CCSER1: variants seen among roughly 807,000 people sequenced by gnomAD.
CCSER1 encodes serine-rich coiled-coil domain-containing protein 1.
In CCSER1, 41 loss-of-function variants were observed where a neutral mutation model predicts 82.0. That is an observed-to-expected ratio of 0.50 (90% CI 0.39 to 0.65). The LOEUF is 0.65. Among genes scored for constraint, CCSER1 ranks in the 30% least tolerant of loss-of-function variants. The pLI is 0.00. For synonymous variants in CCSER1, 414 were observed against 383.9 expected (o/e 1.08, Z -0.92); for missense variants, 1,119 against 1,064.2 (o/e 1.05, Z -0.72).
At chr4:91,330,679 A>C (rs138702296) in intron 10 of CCSER1, among the ~76,000 whole-genome samples, 1 of 152,126 alleles carries the variant, frequency 6.6e-6, no homozygotes, top group Non-Finnish European at 1.5e-5. Flanking sequence ...AATCAAGGAG[A>C]CCAATTGCCC....
chr4:90,188,202 A>G (rs981329163), intron 1 of CCSER1, among the ~76,000 whole-genome samples: 1 of 151,880 alleles, frequency 6.6e-6, no homozygotes, highest in African/African-American at 2.4e-5. Context: ...GTTATGAGGT[A>G]TGGGCACTAA....
At chr4:91,071,966 C>A (rs1721484953) in intron 9 of CCSER1, among the ~76,000 whole-genome samples, 1 of 152,062 alleles carries the variant, frequency 6.6e-6, no homozygotes, top group Non-Finnish European at 1.5e-5. Context: ...AAATAATACC[C>A]CATAAAGTTT....
At chr4:90,949,009 A>C (rs1732595470) in intron 9 of CCSER1, among the ~76,000 whole-genome samples, 1 of 152,090 alleles carries the variant, frequency 6.6e-6, no homozygotes, top group South Asian at 2.1e-4. Context: ...GAATGTGATA[A>C]TTTTATGAGC....
At chr4:91,397,007 G>C (rs1400904751) in intron 10 of CCSER1, among the ~76,000 whole-genome samples, 2 of 152,000 alleles carry the variant, frequency 1.3e-5, no homozygotes, top group Non-Finnish European at 2.9e-5. Context: ...CTTCTGCCTA[G>C]CCAAGCAACC....
chr4:91,406,772 T>C (rs1752730525), intron 10 of CCSER1, among the ~76,000 whole-genome samples: 1 of 152,230 alleles, frequency 6.6e-6, no homozygotes, highest in Non-Finnish European at 1.5e-5. Context: ...ATTATATTGT[T>C]ATCCATGTTT....
intron 4 of CCSER1, among the ~76,000 whole-genome samples, chr4:90,413,735 C>T (rs1458715964): frequency 1.3e-5 from 2 of 150,860 alleles, no homozygotes; most frequent in Non-Finnish European, 3.0e-5. Context: ...GCGGGCAGAT[C>T]ACGAGGTCAG....
rs1362292311 is a variant in CCSER1, at chr4:91,023,282, T to C, written c.2173-62668T>C. Among the ~76,000 whole-genome samples the C allele has an allele frequency of 8.5e-5, 13 of 152,172 alleles. No individual in the cohort carries two copies. In the East Asian group the frequency reaches 1.7e-3, roughly 20 times the overall value. ...ATCCCCATCAAGCTACCAATGACTT[T>C]CTTCACAGAATTGGAAAAAACTACT... On this transcript the variant is annotated intron_variant, in intron 9 of 10. Coordinates refer to ENST00000509176, the MANE Select transcript of CCSER1 (RefSeq NM_001145065.2).
intron 5 of CCSER1, among the ~76,000 whole-genome samples, chr4:90,468,773 T>G (rs1230784126): frequency 6.6e-6 from 1 of 152,154 alleles, no homozygotes; most frequent in Non-Finnish European, 1.5e-5. Flanking sequence ...TAAAATATTT[T>G]TACTAAATTA....
chr4:90,939,875 A>AT (rs1731389859), intron 9 of CCSER1, among the ~76,000 whole-genome samples: 2 of 151,986 alleles, frequency 1.3e-5, no homozygotes, highest in Admixed American at 6.6e-5. Flanking sequence ...ATACAAAAAC[A>AT]TTTTTTGTTT....
At chr4:90,639,191 A>G (rs1256279808) in intron 6 of CCSER1, among the ~76,000 whole-genome samples, 1 of 151,222 alleles carries the variant, frequency 6.6e-6, no homozygotes, top group Non-Finnish European at 1.5e-5. Context: ...TATATTCTTT[A>G]TATATATATA....
chr4:90,355,249 A>G (rs1744182299), intron 3 of CCSER1, among the ~76,000 whole-genome samples: 1 of 151,992 alleles, frequency 6.6e-6, no homozygotes, highest in African/African-American at 2.4e-5. Context: ...TCAAATAGAT[A>G]CATTTCCCAG....
At chr4:90,582,299 G>T (rs1040077288) in intron 5 of CCSER1, among the ~76,000 whole-genome samples, 1 of 152,164 alleles carries the variant, frequency 6.6e-6, no homozygotes, top group Non-Finnish European at 1.5e-5. Context: ...CTGGGAATGT[G>T]CAGGGTTTGA....
intron 6 of CCSER1, among the ~76,000 whole-genome samples, chr4:90,692,749 G>A (rs73833779): frequency 0.053 from 8,013 of 151,694 alleles, 490 homozygotes; most frequent in African/African-American, 0.15. Flanking sequence ...ACTTTAATAC[G>A]TCAACCATAA....
intron 10 of CCSER1, among the ~76,000 whole-genome samples, chr4:91,231,642 G>T (rs1266754804): frequency 6.6e-6 from 1 of 151,638 alleles, no homozygotes; most frequent in African/African-American, 2.4e-5. Flanking sequence ...AAGACATTTT[G>T]CATGATACAT....
At chr4:90,779,086 C>T (rs1753382931) in intron 7 of CCSER1, among the ~76,000 whole-genome samples, 1 of 152,130 alleles carries the variant, frequency 6.6e-6, no homozygotes, top group Admixed American at 6.6e-5. Flanking sequence ...TATGTCATAT[C>T]CCTGTTAAAA....
intron 10 of CCSER1, among the ~76,000 whole-genome samples, chr4:91,321,855 CT>C (rs1298132588): frequency 6.6e-6 from 1 of 152,050 alleles, no homozygotes; most frequent in Non-Finnish European, 1.5e-5. Context: ...ATTTTACTCT[CT>C]TATCACACCA....
At chr4:90,764,015 G>A (rs1168998514) in intron 7 of CCSER1, among the ~76,000 whole-genome samples, 1 of 152,048 alleles carries the variant, frequency 6.6e-6, no homozygotes, top group Non-Finnish European at 1.5e-5. Context: ...TGCTTAAAAT[G>A]AGAGGAAAGA....
intron 3 of CCSER1, among the ~76,000 whole-genome samples, chr4:90,395,572 A>G (rs1294239092): frequency 6.6e-6 from 1 of 151,842 alleles, no homozygotes; most frequent in Non-Finnish European, 1.5e-5. Flanking sequence ...AATTTGCTGT[A>G]TATTCAGAGA....
intron 7 of CCSER1, among the ~76,000 whole-genome samples, chr4:90,799,547 G>A (rs771568303): frequency 3.9e-5 from 6 of 152,110 alleles, no homozygotes; most frequent in Admixed American, 6.5e-5. Context: ...GGGCTCCCAA[G>A]TAACCCGAGA....
Sources: allele counts gnomAD v4.1 joint callset (sites outside exome capture counted in the v4.1 genomes callset), GRCh38; gene constraint gnomAD v4.1.1; transcripts MANE v1.5; gene names NCBI Gene and HGNC (gene_info 2026-07-23, HGNC 2026-07-21).